ERBB4: variants seen among roughly 807,000 people sequenced by gnomAD.
ERBB4 encodes erb-b2 receptor tyrosine kinase 4, also known as receptor tyrosine-protein kinase erbB-4.
A neutral mutation model predicts 158.0 loss-of-function variants in ERBB4; 42 were observed. The observed-to-expected ratio is 0.27, with a 90% confidence interval of 0.21 to 0.34. The LOEUF (loss-of-function observed/expected upper bound fraction) is 0.34, where lower values mean the gene tolerates loss of function less well. ERBB4 is among the 10% of genes least tolerant of loss of function. The pLI is 1.00. For synonymous variants in ERBB4, 583 were observed against 558.7 expected (o/e 1.04, Z -0.61); for missense variants, 1,333 against 1,624.1 (o/e 0.82, Z 3.08).
rs113311367 is a variant in ERBB4 at position 212,275,242 on chromosome 2, T to C, written c.83-150339A>G. Among the ~76,000 whole-genome samples the C allele has an allele frequency of 5.1e-3, 780 of 152,078 alleles. 4 individuals carry two copies. Among genetic ancestry groups the C allele is most frequent in the Middle Eastern group, 0.017 (5 of 294 alleles). On this transcript the variant is annotated intron_variant, in intron 1 of 27. Transcript: ENST00000342788. ...GTGCCGCAATAAACATACGTGTGTATGTCTCTTTATAGTAGCATGATTTAT... is the reference window on the plus strand; with the variant it reads ...GTGCCGCAATAAACATACGTGTGTACGTCTCTTTATAGTAGCATGATTTAT...
chr2:211,860,480 G>T (rs1672782595), intron 3 of ERBB4, among the ~76,000 whole-genome samples: 1 of 152,094 alleles, frequency 6.6e-6, no homozygotes, highest in Non-Finnish European at 1.5e-5. Flanking sequence ...GAAGCAGGAT[G>T]AAGTCACCTC....
At chr2:211,718,691 T>C (rs2074000219) in intron 7 of ERBB4, among the ~76,000 whole-genome samples, 1 of 151,836 alleles carries the variant, frequency 6.6e-6, no homozygotes. Flanking sequence ...TGAGCAATCA[T>C]ATTCTTACAC....
intron 1 of ERBB4, among the ~76,000 whole-genome samples, chr2:212,372,732 G>T (rs2090132105): frequency 1.3e-5 from 2 of 152,186 alleles, no homozygotes. Flanking sequence ...CTGGGCGACA[G>T]AGCGAGACTC....
chr2:212,203,386 A>C (rs2082643966), intron 1 of ERBB4, among the ~76,000 whole-genome samples: 1 of 152,156 alleles, frequency 6.6e-6, no homozygotes, highest in Non-Finnish European at 1.5e-5. Context: ...GAAGAAGCTG[A>C]TGTAGCTGAA....
intron 7 of ERBB4, among the ~76,000 whole-genome samples, chr2:211,716,679 AAAC>A (rs139631300): frequency 0.072 from 10,830 of 151,182 alleles, 464 homozygotes; most frequent in African/African-American, 0.11. Flanking sequence ...CCGTCTCAAA[AAAC>A]AACAACAACA....
intron 1 of ERBB4, among the ~76,000 whole-genome samples, chr2:212,233,236 G>A (rs2083729644): frequency 6.6e-6 from 1 of 152,118 alleles, no homozygotes; most frequent in Non-Finnish European, 1.5e-5. Context: ...ATAGGGTTGA[G>A]AGAGTTTCAC....
chr2:212,132,434 TG>T (rs2080133627), intron 1 of ERBB4, among the ~76,000 whole-genome samples: 2 of 152,204 alleles, frequency 1.3e-5, no homozygotes, highest in African/African-American at 4.8e-5. Flanking sequence ...ACCATTGAAT[TG>T]GTATACTGAG....
intron 2 of ERBB4, among the ~76,000 whole-genome samples, chr2:211,996,330 T>C (rs1396817878): frequency 6.6e-6 from 1 of 152,102 alleles, no homozygotes; most frequent in Non-Finnish European, 1.5e-5. Flanking sequence ...TTATTATTCA[T>C]TAGTCTTTAG....
At chr2:211,839,178 GGAGGAGGAGGAGGAGGGAA>G in intron 3 of ERBB4, among the ~76,000 whole-genome samples, 1 of 106,508 alleles carries the variant, frequency 9.4e-6, no homozygotes, top group African/African-American at 3.1e-5. Flanking sequence ...AGGAGGAGGA[GGAGGAGGAGGAGGAGGGAA>G]AGAAAGAAAG....
At chr2:211,899,369 A>C (rs2079176334) in intron 3 of ERBB4, among the ~76,000 whole-genome samples, 1 of 152,092 alleles carries the variant, frequency 6.6e-6, no homozygotes, top group Non-Finnish European at 1.5e-5. Context: ...CATTTATTTT[A>C]TTTCAGTTCT....
intron 19 of ERBB4, among the ~76,000 whole-genome samples, chr2:211,596,828 G>A (rs941291740): frequency 2.6e-5 from 4 of 151,574 alleles, no homozygotes; most frequent in Non-Finnish European, 5.9e-5. Context: ...GCAATGGCAC[G>A]ATCTAGGCTC....
At chr2:212,386,908 A>G (rs1361156083) in intron 1 of ERBB4, among the ~76,000 whole-genome samples, 1 of 152,036 alleles carries the variant, frequency 6.6e-6, no homozygotes. Flanking sequence ...TGTCTTATTC[A>G]TCTGTACATT....
intron 3 of ERBB4, among the ~76,000 whole-genome samples, chr2:211,885,707 G>A (rs150431219): frequency 1.6e-4 from 25 of 152,144 alleles, no homozygotes; most frequent in African/African-American, 4.6e-4. Flanking sequence ...TAATCTGCCC[G>A]CCTTGGCCTC....
intron 1 of ERBB4, among the ~76,000 whole-genome samples, chr2:212,494,306 T>C (rs775726188): frequency 4.6e-5 from 7 of 151,992 alleles, no homozygotes; most frequent in Non-Finnish European, 8.8e-5. Context: ...TCCACACTAA[T>C]TGAGTGCTTA....
intron 1 of ERBB4, among the ~76,000 whole-genome samples, chr2:212,299,457 A>G (rs983430845): frequency 2.0e-5 from 3 of 151,674 alleles, no homozygotes; most frequent in Non-Finnish European, 3.0e-5. Flanking sequence ...TAGAAACCAT[A>G]TAAAAAGGCA....
intron 2 of ERBB4, among the ~76,000 whole-genome samples, chr2:211,966,677 C>T (rs2081319705): frequency 6.6e-6 from 1 of 152,064 alleles, no homozygotes. Flanking sequence ...ATTTTTAAGT[C>T]TATATATTTT....
intron 20 of ERBB4, among the ~76,000 whole-genome samples, chr2:211,526,097 G>A (rs961405057): frequency 3.3e-5 from 5 of 152,032 alleles, no homozygotes; most frequent in South Asian, 2.1e-4. Flanking sequence ...GGCCTGGAGC[G>A]AACATAGGTG....
At chr2:211,530,673 A>C (rs1436711718) in intron 20 of ERBB4, among the ~76,000 whole-genome samples, 1 of 152,092 alleles carries the variant, frequency 6.6e-6, no homozygotes, top group Non-Finnish European at 1.5e-5. Context: ...GGATTGCTTG[A>C]GTCCAGGAGT....
chr2:211,514,473 T>C (rs2065972127), intron 20 of ERBB4, among the ~76,000 whole-genome samples: 1 of 152,204 alleles, frequency 6.6e-6, no homozygotes, highest in East Asian at 1.9e-4. Flanking sequence ...GTTTTGAGTA[T>C]ATTCAGAAAA....
Sources: gnomAD v4.1 joint callset for allele counts (sites outside exome capture counted in the v4.1 genomes callset) on GRCh38, gnomAD v4.1.1 for gene constraint, MANE v1.5 for transcripts, NCBI Gene and HGNC (gene_info 2026-07-23, HGNC 2026-07-21) for gene names.